KMT2C: variants seen among roughly 807,000 people sequenced by gnomAD.
KMT2C encodes the protein lysine methyltransferase 2C.
A neutral mutation model predicts 507.9 loss-of-function variants in KMT2C; 88 were observed. That is an observed-to-expected ratio of 0.17 (90% confidence interval 0.15 to 0.21). KMT2C has a LOEUF of 0.21. Ranked by LOEUF, KMT2C falls within the 10% of genes least tolerant of loss-of-function variation. The pLI, the probability that KMT2C is intolerant of heterozygous loss-of-function variation, is 1.00. For missense variants in KMT2C, 4,954 were observed against 5,957.8 expected (o/e 0.83, Z 5.55); for synonymous variants, 2,049 against 2,080.8 (o/e 0.98, Z 0.42).
At chr7:152,288,652 C>G (rs1210451373) in intron 6 of KMT2C, among the ~76,000 whole-genome samples, 1 of 152,060 alleles carries the variant, frequency 6.6e-6, no homozygotes, top group Non-Finnish European at 1.5e-5. Context: ...CATGACGCAG[C>G]TGAACAATTA....
intron 14 of KMT2C, among the ~76,000 whole-genome samples, chr7:152,244,471 C>A (rs572280899): frequency 1.3e-5 from 2 of 152,092 alleles, no homozygotes; most frequent in Admixed American, 1.3e-4. Flanking sequence ...CGCTTGAGGC[C>A]AGGAGTTCGT....
intron 23 of KMT2C, among the ~76,000 whole-genome samples, chr7:152,208,825 C>T (rs1343628104): frequency 6.6e-6 from 1 of 152,078 alleles, no homozygotes; most frequent in Non-Finnish European, 1.5e-5. Flanking sequence ...AGGCCAATTC[C>T]ATAACAATCT....
At chr7:152,353,921 C>G (rs955537336) in intron 2 of KMT2C, among the ~76,000 whole-genome samples, 1 of 152,176 alleles carries the variant, frequency 6.6e-6, no homozygotes, top group Non-Finnish European at 1.5e-5. Context: ...AACCTTGCAG[C>G]AAACTTGAAT....
At chr7:152,223,515 C>T (rs73161897) in intron 20 of KMT2C, among the ~76,000 whole-genome samples, 20,911 of 151,944 alleles carry the variant, frequency 0.14, 1,494 homozygotes, top group South Asian at 0.16. Context: ...TAGTCTTGGG[C>T]GGGCACAGTG....
chr7:152,144,255 G>A lies in KMT2C; in HGVS notation c.14343+458C>T, dbSNP rs1015788902. Among the ~76,000 whole-genome samples the A allele has an allele frequency of 6.6e-6, 1 of 152,172 alleles. No individual in the cohort carries two copies. Among genetic ancestry groups the A allele is most frequent in the Non-Finnish European group, 1.5e-5 (1 of 68,026 alleles). On this transcript the variant is annotated intron_variant, in intron 55 of 58. Coordinates refer to ENST00000262189, the MANE Select transcript of KMT2C (RefSeq NM_170606.3). This position sits in a 1 kb window ranked among gnomAD's most constrained non-coding sequence, Gnocchi z 4.4. ...AAACTTAAATGCTTAGCCTATACAC[G>A]GCCTTACTTGTAAGATAGTCCACAG...
intron 33 of KMT2C, among the ~76,000 whole-genome samples, chr7:152,186,487 GCATTT>G (rs1328100257): frequency 6.6e-6 from 1 of 152,078 alleles, no homozygotes; most frequent in African/African-American, 2.4e-5. Flanking sequence ...TAGATAAAAA[GCATTT>G]CATTTATTAC....
At position 152,187,560 on chromosome 7, in the gene KMT2C, T is replaced by C. The variant is rs1023118616; in HGVS notation, c.4794-84A>G. ...CAAGTATAGCTTTCATTAAAACCTA[T>C]TACAAAACAGTTAAAAGTAACATAT... On this transcript the variant is annotated intron_variant, in intron 32 of 58. Transcript: ENST00000262189. 8.4e-6 allele frequency: 12 copies of C among 1,433,220 alleles called. No individual in the cohort carries two copies. The African/African-American group carries it at 1.7e-4, about 21-fold the overall frequency. The allele number at this position is 1,433,220 out of a possible 1,614,324, so 88.8% of individuals were successfully genotyped here.
At chr7:152,413,559 G>A (rs558994649) in intron 1 of KMT2C, among the ~76,000 whole-genome samples, 11 of 152,130 alleles carry the variant, frequency 7.2e-5, no homozygotes, top group Admixed American at 3.9e-4. Flanking sequence ...TTCTACATAA[G>A]TTTCCATCTC....
At chr7:152,296,638 A>T (rs1273946228) in intron 6 of KMT2C, among the ~76,000 whole-genome samples, 1 of 152,104 alleles carries the variant, frequency 6.6e-6, no homozygotes, top group African/African-American at 2.4e-5. Flanking sequence ...AAAGAGACCA[A>T]TATGTTCTGG....
At chr7:152,240,760 A>G (rs538961445) in intron 14 of KMT2C, among the ~76,000 whole-genome samples, 164 of 152,292 alleles carry the variant, frequency 1.1e-3, no homozygotes, top group African/African-American at 3.6e-3. Flanking sequence ...AGCAAATTCA[A>G]GACTTTTTAT....
chr7:152,150,841 C>T (rs1389313361), intron 51 of KMT2C, 59 bp downstream of exon 51: 5 of 1,186,238 alleles, frequency 4.2e-6, no homozygotes, highest in African/African-American at 1.5e-5. Context: ...TCCCATATGC[C>T]CAGAACACAG....
chr7:152,322,748 A>G (rs1251928963), intron 3 of KMT2C, among the ~76,000 whole-genome samples: 1 of 152,018 alleles, frequency 6.6e-6, no homozygotes, highest in East Asian at 1.9e-4. Context: ...AAATATTAAC[A>G]AAGTAAAGAG....
chr7:152,291,653 T>C (rs1420266514), intron 6 of KMT2C, among the ~76,000 whole-genome samples: 9 of 152,194 alleles, frequency 5.9e-5, no homozygotes, highest in Admixed American at 4.6e-4. Context: ...AATTCTTCCA[T>C]CACTTCAAAC....
At chr7:152,268,106 C>A (rs1563657003) in intron 7 of KMT2C, among the ~76,000 whole-genome samples, 2 of 152,230 alleles carry the variant, frequency 1.3e-5, no homozygotes, top group East Asian at 3.9e-4. Flanking sequence ...ATGGTGAAAC[C>A]CCATCTCTAC....
chr7:152,325,132 A>T (rs1293566897), intron 3 of KMT2C, among the ~76,000 whole-genome samples: 1 of 151,856 alleles, frequency 6.6e-6, no homozygotes, highest in Non-Finnish European at 1.5e-5. Flanking sequence ...AAATTTAAGT[A>T]TAGTGGTATT....
intron 1 of KMT2C, among the ~76,000 whole-genome samples, chr7:152,359,665 G>GGA (rs1554675685): frequency 7.4e-6 from 1 of 134,348 alleles, no homozygotes; most frequent in African/African-American, 3.1e-5. Flanking sequence ...TCCAGCTAAA[G>GGA]AAAAAAAACA....
At chr7:152,428,038 T>C (rs2097836811) in intron 1 of KMT2C, among the ~76,000 whole-genome samples, 1 of 152,218 alleles carries the variant, frequency 6.6e-6, no homozygotes, top group Non-Finnish European at 1.5e-5. Flanking sequence ...GTTTTTTTAA[T>C]AATAGGCATC....
rs954673199 is a variant in KMT2C at position 152,357,683 on chromosome 7, G to A, written c.250+904C>T. Among the ~76,000 whole-genome samples the A allele has an allele frequency of 1.2e-4, 19 of 152,064 alleles. No individual in the cohort carries two copies. In the East Asian group the frequency reaches 3.7e-3, roughly 29 times the overall value. ...AGTAATTCATGAATGTGCACAAAAG[G>A]GTGAAATTTAGTATTCTGAGCTTCC... On this transcript the variant is annotated intron_variant, in intron 2 of 58. Transcript: ENST00000262189.
At chr7:152,221,202 A>G (rs2094757698) in intron 22 of KMT2C, among the ~76,000 whole-genome samples, 1 of 152,184 alleles carries the variant, frequency 6.6e-6, no homozygotes, top group Non-Finnish European at 1.5e-5. Context: ...GGTTGCAGTG[A>G]GCCGAGATCG....
Sources: gnomAD v4.1 joint callset for allele counts (sites outside exome capture counted in the v4.1 genomes callset) on GRCh38, gnomAD v4.1.1 for gene constraint, Gnocchi (gnomAD v3.1) non-coding constraint, MANE v1.5 for transcripts, NCBI Gene and HGNC (gene_info 2026-07-23, HGNC 2026-07-21) for gene names.